The following HBS1L variants were observed in gnomAD, a reference collection of about 807,000 sequenced individuals.
HBS1L encodes HBS1 like translational GTPase, also known as HBS1-like protein.
A neutral mutation model predicts 88.9 loss-of-function variants in HBS1L; 55 were observed. The ratio of observed to expected loss-of-function variants is 0.62; its 90% CI spans 0.50 to 0.77. The LOEUF (loss-of-function observed/expected upper bound fraction) is 0.77. Among genes scored for constraint, HBS1L ranks in the 30% least tolerant of loss-of-function variants. HBS1L has a pLI of 0.00. For synonymous variants in HBS1L, 267 were observed against 288.5 expected (o/e 0.93, Z 0.76); for missense variants, 741 against 829.3 (o/e 0.89, Z 1.31).
At chr6:135,028,715 C>T (rs1776305309) in intron 4 of HBS1L, among the ~76,000 whole-genome samples, 1 of 152,054 alleles carries the variant, frequency 6.6e-6, no homozygotes, top group South Asian at 2.1e-4. Context: ...GACGGTTCTT[C>T]ATCATAAGAC....
intron 4 of HBS1L, among the ~76,000 whole-genome samples, chr6:135,030,300 G>C (rs1410676530): frequency 6.6e-6 from 1 of 152,194 alleles, no homozygotes; most frequent in Non-Finnish European, 1.5e-5. Context: ...GTAATAAAGG[G>C]AGAACGGTGA....
intron 12 of HBS1L, chr6:134,982,771 A>C (rs1774869521): frequency 5.8e-6 from 2 of 347,366 alleles, no homozygotes; most frequent in Non-Finnish European, 5.2e-6. Flanking sequence ...CATATTACCA[A>C]AGAAAGGTTC....
chr6:135,024,932 G>T (rs1170824438), intron 4 of HBS1L, among the ~76,000 whole-genome samples: 2 of 152,118 alleles, frequency 1.3e-5, no homozygotes, highest in African/African-American at 4.8e-5. Flanking sequence ...GTGGCATCAA[G>T]TTGACATGAT....
At chr6:135,019,502 T>C (rs1776012648) in intron 4 of HBS1L, among the ~76,000 whole-genome samples, 1 of 151,924 alleles carries the variant, frequency 6.6e-6, no homozygotes, top group African/African-American at 2.4e-5. Flanking sequence ...TTTATTAATA[T>C]TCTGTATATT....
chr6:135,041,875 T>G (rs1007966361), intron 3 of HBS1L, 126 bp downstream of exon 3: 3 of 737,604 alleles, frequency 4.1e-6, no homozygotes, highest in Non-Finnish European at 6.3e-6. Flanking sequence ...TGTCCTTGAA[T>G]ATGAAAGATA....
At chr6:135,045,741 G>A (rs1331561675) in intron 2 of HBS1L, among the ~76,000 whole-genome samples, 2 of 152,070 alleles carry the variant, frequency 1.3e-5, no homozygotes, top group South Asian at 2.1e-4. Flanking sequence ...AGGCTGAGGC[G>A]TGAGAACTGC....
chr6:135,052,995 C>T (rs1777134383), intron 1 of HBS1L, among the ~76,000 whole-genome samples: 1 of 152,142 alleles, frequency 6.6e-6, no homozygotes, highest in South Asian at 2.1e-4. Context: ...GAGAAATAAA[C>T]TGGACCTTAA....
intron 15 of HBS1L, among the ~76,000 whole-genome samples, chr6:134,976,587 T>C (rs536409832): frequency 2.0e-5 from 3 of 152,202 alleles, no homozygotes; most frequent in East Asian, 3.9e-4. Flanking sequence ...AGGGTAGAGA[T>C]AGTGTGTTTT....
chr6:134,987,987 GAAC>G (rs941605534), intron 8 of HBS1L, among the ~76,000 whole-genome samples, 196 bp from the exon 9 acceptor site: 3 of 151,730 alleles, frequency 2.0e-5, no homozygotes, highest in Non-Finnish European at 4.4e-5. Flanking sequence ...ATGACACAAA[GAAC>G]AATAAAAAAG....
chr6:134,985,296 G>C (rs1258529712), intron 12 of HBS1L, 45 bp downstream of exon 12: 9 of 1,290,060 alleles, frequency 7.0e-6, no homozygotes, highest in Middle Eastern at 1.9e-4. Flanking sequence ...GAGGGAATGG[G>C]GAAAAGGGGC....
At chr6:134,971,299 G>A (rs1562273092) in intron 15 of HBS1L, among the ~76,000 whole-genome samples, 2 of 152,094 alleles carry the variant, frequency 1.3e-5, no homozygotes, top group South Asian at 4.1e-4. Flanking sequence ...AAGGATTCAG[G>A]TCTTAACCAG....
At chr6:135,016,915 T>TCC (rs3071557) in intron 4 of HBS1L, among the ~76,000 whole-genome samples, 71,794 of 151,788 alleles carry the variant, frequency 0.47, 17,202 homozygotes, top group South Asian at 0.56. Context: ...TCCTTGCTCC[T>TCC]CCCTTTTAAA....
Position 134,960,528 on chromosome 6 carries a change from G to T in HBS1L, c.*4751C>A. ...TCATTATGCATTTTTATGTCATTTGGTACAGTTTTATTGTGCATTATACTT... is the reference window on the plus strand; with the variant it reads ...TCATTATGCATTTTTATGTCATTTGTTACAGTTTTATTGTGCATTATACTT... On this transcript the variant is annotated 3_prime_UTR_variant, in exon 18 of 18. Transcript: ENST00000367837. 6.6e-6 allele frequency: 1 copy of T among 151,594 alleles called. No homozygotes were observed. The highest frequency in any genetic ancestry group is 2.1e-4 in the South Asian group (1 of 4,810). 9.4% of individuals were successfully genotyped at this position (151,594 alleles called of 1,614,324 possible).
chr6:135,028,138 G>C (rs1197146503), intron 4 of HBS1L, among the ~76,000 whole-genome samples: 3 of 151,174 alleles, frequency 2.0e-5, no homozygotes, highest in Non-Finnish European at 4.4e-5. Context: ...GAAATGAAAA[G>C]CAAAAAACAT....
chr6:134,966,252 C>A, intron 17 of HBS1L, 77 bp downstream of exon 17: 2 of 1,303,904 alleles, frequency 1.5e-6, no homozygotes, highest in Non-Finnish European at 2.1e-6. Context: ...TCAATGCTTT[C>A]TTTTCATTCC....
At chr6:135,031,855 T>TG (rs1399098614) in intron 4 of HBS1L, among the ~76,000 whole-genome samples, 2 of 150,780 alleles carry the variant, frequency 1.3e-5, no homozygotes, top group Non-Finnish European at 3.0e-5. Context: ...TTTTTTGAGA[T>TG]GGGGTCTCAC....
intron 15 of HBS1L, among the ~76,000 whole-genome samples, chr6:134,971,714 T>C (rs1485717016): frequency 6.6e-6 from 1 of 152,162 alleles, no homozygotes; most frequent in Non-Finnish European, 1.5e-5. Context: ...CAAAGTAATG[T>C]GCAGCATAGT....
At chr6:135,040,411 G>A (rs1776698174) in intron 3 of HBS1L, among the ~76,000 whole-genome samples, 1 of 144,056 alleles carries the variant, frequency 6.9e-6, no homozygotes, top group Non-Finnish European at 1.5e-5. Flanking sequence ...AATGCCAGTG[G>A]CGTGATCTCA....
chr6:134,971,571 G>A (rs1774488971), intron 15 of HBS1L, among the ~76,000 whole-genome samples: 1 of 152,142 alleles, frequency 6.6e-6, no homozygotes, highest in South Asian at 2.1e-4. Flanking sequence ...GGTCTTATAT[G>A]TCTTTTCATC....
Sources: allele counts gnomAD v4.1 joint callset (sites outside exome capture counted in the v4.1 genomes callset), GRCh38; gene constraint gnomAD v4.1.1; transcripts MANE v1.5; gene names NCBI Gene and HGNC (gene_info 2026-07-23, HGNC 2026-07-21).